Variants in CHRM3 observed in about 807,000 individuals in gnomAD.
CHRM3 encodes muscarinic acetylcholine receptor M3.
Under a neutral mutation model 41.8 loss-of-function variants are expected in CHRM3, and 11 were observed. That is an observed-to-expected ratio of 0.26 (90% CI 0.17 to 0.44). The LOEUF (loss-of-function observed/expected upper bound fraction) is 0.44, where lower values mean the gene tolerates loss of function less well. Ranked by LOEUF, CHRM3 falls within the 20% of genes least tolerant of loss-of-function variation. The probability of loss-of-function intolerance (pLI) is 1.00; values close to 1 mark genes in which losing one functional copy is unlikely to be tolerated. For missense variants in CHRM3, 571 were observed against 745.4 expected, an observed-to-expected ratio of 0.77 and a Z score of 2.72; for synonymous variants, 297 against 301.4, an observed-to-expected ratio of 0.99 and a Z score of 0.15.
intron 2 of CHRM3, among the ~76,000 whole-genome samples, chr1:239,497,153 C>A (rs533108884): frequency 6.6e-6 from 1 of 152,116 alleles, no homozygotes; most frequent in African/African-American, 2.4e-5. Context: ...ATTAGCATGG[C>A]CTTTCTTTTT....
At chr1:239,397,537 T>G (rs561849971) in intron 1 of CHRM3, among the ~76,000 whole-genome samples, 1 of 151,956 alleles carries the variant, frequency 6.6e-6, no homozygotes, top group Non-Finnish European at 1.5e-5. Flanking sequence ...CCGGGCGTGC[T>G]GGCACATGCA....
At chr1:239,662,149 T>G (rs1673264345) in intron 4 of CHRM3, among the ~76,000 whole-genome samples, 1 of 137,146 alleles carries the variant, frequency 7.3e-6, no homozygotes, top group African/African-American at 2.9e-5. Context: ...GTGTGTATCT[T>G]ACTGTGGATA....
At chr1:239,447,780 A>C (rs1012092991) in intron 1 of CHRM3, among the ~76,000 whole-genome samples, 13 of 152,004 alleles carry the variant, frequency 8.6e-5, no homozygotes, top group South Asian at 2.1e-4. Flanking sequence ...CTGTCTCAAA[A>C]AAACAAACAA....
At chr1:239,640,630 A>T (rs1671021795) in intron 4 of CHRM3, among the ~76,000 whole-genome samples, 1 of 149,508 alleles carries the variant, frequency 6.7e-6, no homozygotes, top group African/African-American at 2.5e-5. Flanking sequence ...ATCATTTTTT[A>T]TTGTGTCTAT....
At chr1:239,832,849 T>C (rs1673007151) in intron 6 of CHRM3, among the ~76,000 whole-genome samples, 1 of 152,220 alleles carries the variant, frequency 6.6e-6, no homozygotes, top group Non-Finnish European at 1.5e-5. Flanking sequence ...GCTTCTGTTC[T>C]CAAGATATTG....
chr1:239,523,384 A>G (rs896525338), intron 2 of CHRM3, among the ~76,000 whole-genome samples: 8 of 152,200 alleles, frequency 5.3e-5, no homozygotes, highest in African/African-American at 1.9e-4. Flanking sequence ...TGGTTCACAG[A>G]CCACTATCCT....
Position 239,900,377 on chromosome 1 carries a change from C to CTT in CHRM3, c.-19-7039_-19-7038dup, listed in dbSNP as rs10567817. Among the ~76,000 whole-genome samples the CTT allele has an allele frequency of 5.2e-3, 673 of 130,362 alleles. 9 individuals are homozygous for CTT. Among genetic ancestry groups the CTT allele is most frequent in the African/African-American group, 0.017 (600 of 35,200 alleles). 85.5% of individuals were successfully genotyped at this position (130,362 alleles called of 152,430 possible). On this transcript the variant is annotated intron_variant, in intron 6 of 6. Transcript: ENST00000676153. ...TTTCTAATAAGTACTTTTAGATATT[C>CTT]TTTTTTTTTTTTTTTTTTGAAATCC...
At chr1:239,602,090 A>ATATG (rs371232279) in intron 3 of CHRM3, among the ~76,000 whole-genome samples, 11 of 131,230 alleles carry the variant, frequency 8.4e-5, no homozygotes, top group South Asian at 2.3e-4. Flanking sequence ...ACATATATAC[A>ATATG]TGTGTGTGTG....
At chr1:239,900,595 A>G (rs924101202) in intron 6 of CHRM3, among the ~76,000 whole-genome samples, 3 of 152,072 alleles carry the variant, frequency 2.0e-5, no homozygotes, top group Admixed American at 6.5e-5. Context: ...CTTCCTTGAT[A>G]AAGCTGGGTA....
chr1:239,723,305 T>TAAGGAAA (rs1388122611), intron 5 of CHRM3, among the ~76,000 whole-genome samples: 1 of 151,868 alleles, frequency 6.6e-6, no homozygotes, highest in Non-Finnish European at 1.5e-5. Flanking sequence ...AGGAAAAAAA[T>TAAGGAAA]AAATGCATTC....
intron 2 of CHRM3, among the ~76,000 whole-genome samples, chr1:239,510,590 G>A (rs1013485241): frequency 2.7e-5 from 4 of 150,904 alleles, no homozygotes; most frequent in African/African-American, 9.8e-5. Context: ...AGGTTGGAGT[G>A]CAGTGGTGCC....
At chr1:239,539,016 A>G (rs1225982012) in intron 2 of CHRM3, among the ~76,000 whole-genome samples, 1 of 152,204 alleles carries the variant, frequency 6.6e-6, no homozygotes, top group African/African-American at 2.4e-5. Context: ...CTGAGCTACA[A>G]TGTGCATTTT....
intron 2 of CHRM3, among the ~76,000 whole-genome samples, chr1:239,531,942 AGCCGCCGT>A (rs1657602144): frequency 6.7e-6 from 1 of 148,448 alleles, no homozygotes; most frequent in Non-Finnish European, 1.5e-5. Flanking sequence ...TACAGGCTCG[AGCCGCCGT>A]GCCTGGCCTA....
chr1:239,408,582 CT>C (rs1660823426), intron 1 of CHRM3, among the ~76,000 whole-genome samples: 2 of 151,062 alleles, frequency 1.3e-5, no homozygotes, highest in Admixed American at 6.6e-5. Context: ...TGGGTATGTC[CT>C]TATAGCAGCG....
intron 5 of CHRM3, among the ~76,000 whole-genome samples, chr1:239,713,856 C>G (rs1558479038): frequency 6.6e-6 from 1 of 152,188 alleles, no homozygotes; most frequent in East Asian, 1.9e-4. Flanking sequence ...AAACGGTGTT[C>G]CATTAAATTG....
intron 2 of CHRM3, among the ~76,000 whole-genome samples, chr1:239,506,873 A>G (rs1301689998): frequency 6.6e-6 from 1 of 152,116 alleles, no homozygotes; most frequent in African/African-American, 2.4e-5. Flanking sequence ...GATGTGAGAC[A>G]TGGTGTCAAA....
chr1:239,774,237 C>G (rs1667914628), intron 5 of CHRM3, among the ~76,000 whole-genome samples: 1 of 152,164 alleles, frequency 6.6e-6, no homozygotes, highest in Non-Finnish European at 1.5e-5. Context: ...GTTTCGGTCT[C>G]TATTCCATTC....
chr1:239,811,902 G>A (rs944036153), intron 5 of CHRM3, among the ~76,000 whole-genome samples: 13 of 152,238 alleles, frequency 8.5e-5, no homozygotes, highest in East Asian at 7.7e-4. Context: ...TTATGAGGAC[G>A]CAACCAAACT....
chr1:239,756,138 A>G (rs1327313398), intron 5 of CHRM3, among the ~76,000 whole-genome samples: 1 of 152,184 alleles, frequency 6.6e-6, no homozygotes, highest in Non-Finnish European at 1.5e-5. Context: ...TATTATGGCA[A>G]AGCCCGCAAT....
Sources: gnomAD v4.1 joint callset for allele counts (sites outside exome capture counted in the v4.1 genomes callset) on GRCh38, gnomAD v4.1.1 for gene constraint, MANE v1.5 for transcripts, NCBI Gene and HGNC (gene_info 2026-07-23, HGNC 2026-07-21) for gene names.